Variants in SUFU observed in about 807,000 individuals in gnomAD.
SUFU encodes suppressor of fused homolog.
A neutral mutation model predicts 58.9 loss-of-function variants in SUFU; 7 were observed. The ratio of observed to expected loss-of-function variants is 0.12; its 90% CI spans 0.07 to 0.22. The LOEUF (loss-of-function observed/expected upper bound fraction) is 0.22. Ranked by LOEUF, SUFU falls within the 10% of genes least tolerant of loss-of-function variation. SUFU has a pLI of 1.00. For missense variants in SUFU, 451 were observed against 641.3 expected (o/e 0.70, Z 3.20); for synonymous variants, 232 against 254.8 (o/e 0.91, Z 0.85).
intron 2 of SUFU, among the ~76,000 whole-genome samples, chr10:102,543,951 A>C (rs1490231333): frequency 6.6e-6 from 1 of 152,192 alleles, no homozygotes; most frequent in East Asian, 1.9e-4. Flanking sequence ...AATTAGGCAA[A>C]AATAGATTAA....
At position 102,629,995 on chromosome 10, in the gene SUFU, A is replaced by AATCTCTGG; in HGVS notation, c.1366-69_1366-62dup. The AATCTCTGG allele has an allele frequency of 7.1e-7, 1 of 1,413,756 alleles. No homozygotes were observed. The highest frequency in any genetic ancestry group is 1.4e-5 in the African/African-American group (1 of 70,998). The allele number at this position is 1,413,756 out of a possible 1,614,324, so 87.6% of individuals were successfully genotyped here. ...TAGCTCCCCGGGGACAGGCCTGGGCAATCTCTGGAAAGACCACGGTGTATT... is the reference window on the plus strand; with the variant it reads ...TAGCTCCCCGGGGACAGGCCTGGGCAATCTCTGGATCTCTGGAAAGACCACGGTGTATT... On this transcript the variant is annotated intron_variant, in intron 11 of 11. Transcript: ENST00000369902. The surrounding 1 kb of genome is among the most constrained non-coding windows in gnomAD (Gnocchi z 4.7).
chr10:102,554,536 C>G (rs1012026527), intron 3 of SUFU, among the ~76,000 whole-genome samples: 11 of 152,238 alleles, frequency 7.2e-5, no homozygotes, highest in African/African-American at 2.4e-4. Context: ...CTTACGTCTC[C>G]TTTTAGTCAA....
chr10:102,578,150 AC>A (rs1248251040), intron 3 of SUFU, among the ~76,000 whole-genome samples: 3 of 149,826 alleles, frequency 2.0e-5, no homozygotes, highest in Admixed American at 1.3e-4. Context: ...TACTAAAAAT[AC>A]AAAAAAATTA....
intron 3 of SUFU, among the ~76,000 whole-genome samples, chr10:102,575,834 A>G (rs2063206960): frequency 6.6e-6 from 1 of 152,134 alleles, no homozygotes; most frequent in African/African-American, 2.4e-5. Context: ...TAGATAATAC[A>G]TAAATAAATT....
intron 3 of SUFU, among the ~76,000 whole-genome samples, chr10:102,585,018 C>A (rs952225738): frequency 3.3e-5 from 5 of 152,230 alleles, no homozygotes; most frequent in African/African-American, 1.2e-4. Context: ...AGGTTTCTCC[C>A]AGGCCAGGCT....
intron 2 of SUFU, among the ~76,000 whole-genome samples, chr10:102,533,916 G>A (rs1490014327): frequency 1.3e-5 from 2 of 150,910 alleles, no homozygotes; most frequent in Admixed American, 6.6e-5. Flanking sequence ...GGCTACCACA[G>A]TGGTGCTCTT....
Position 102,594,077 on chromosome 10 carries a change from G to T in SUFU, c.756+12G>T, listed in dbSNP as rs2063435718. The T allele has an allele frequency of 6.2e-7, 1 of 1,613,818 alleles. No individual in the cohort carries two copies. Among genetic ancestry groups the T allele is most frequent in the Admixed American group, 1.7e-5 (1 of 60,000 alleles). On this transcript the variant is annotated intron_variant, in intron 6 of 11. Transcript: ENST00000369902. ...ATCCACACCTGCAAGTATGTCTTGA[G>T]TGAGGAAAACCTTTCTAGCACCCTG...
intron 8 of SUFU, among the ~76,000 whole-genome samples, chr10:102,606,792 A>G (rs2063566119): frequency 1.3e-5 from 2 of 152,168 alleles, no homozygotes; most frequent in South Asian, 4.1e-4. Flanking sequence ...GAAATCAGCT[A>G]GAGGATACAC....
At chr10:102,514,046 G>A (rs548613980) in intron 2 of SUFU, among the ~76,000 whole-genome samples, 30 of 151,804 alleles carry the variant, frequency 2.0e-4, no homozygotes, top group Non-Finnish European at 2.9e-4. Flanking sequence ...CACCACACCC[G>A]GCAAATTTTT....
intron 2 of SUFU, among the ~76,000 whole-genome samples, chr10:102,526,306 A>G (rs1054886368): frequency 3.9e-5 from 6 of 151,904 alleles, no homozygotes; most frequent in African/African-American, 1.5e-4. Context: ...TAATCCCAGC[A>G]CTTTGGGAGG....
intron 2 of SUFU, among the ~76,000 whole-genome samples, chr10:102,523,730 T>C (rs1266272840): frequency 1.3e-5 from 2 of 152,226 alleles, no homozygotes; most frequent in African/African-American, 4.8e-5. Context: ...AGAAGGAAGA[T>C]GGTCGCTGAG....
intron 2 of SUFU, among the ~76,000 whole-genome samples, chr10:102,548,088 A>T (rs1440381395): frequency 6.6e-6 from 1 of 152,178 alleles, no homozygotes; most frequent in Non-Finnish European, 1.5e-5. Context: ...AGGAGTTCAC[A>T]CATGCAGTGA....
intron 2 of SUFU, among the ~76,000 whole-genome samples, chr10:102,534,783 G>A (rs2062716172): frequency 6.6e-6 from 1 of 152,200 alleles, no homozygotes; most frequent in South Asian, 2.1e-4. Context: ...CAGAGAGATT[G>A]TAGAGAAGCT....
chr10:102,594,637 G>A (rs1475912136), intron 6 of SUFU, among the ~76,000 whole-genome samples: 1 of 152,190 alleles, frequency 6.6e-6, no homozygotes. Flanking sequence ...GGCCCACCTG[G>A]ACATTGTTTC....
intron 3 of SUFU, among the ~76,000 whole-genome samples, chr10:102,558,480 G>A (rs1018784087): frequency 4.6e-5 from 7 of 152,168 alleles, no homozygotes; most frequent in African/African-American, 1.4e-4. Context: ...CAAAGTGCTA[G>A]GACTACACAT....
intron 3 of SUFU, among the ~76,000 whole-genome samples, chr10:102,552,326 G>A (rs1173316935): frequency 1.4e-4 from 21 of 150,762 alleles, no homozygotes. Context: ...CCAGCTACTT[G>A]GGAGGCTGAG....
At chr10:102,506,821 G>T (rs908485375) in intron 1 of SUFU, among the ~76,000 whole-genome samples, 2 of 152,228 alleles carry the variant, frequency 1.3e-5, no homozygotes, top group Admixed American at 1.3e-4. Context: ...CTGTGGCCCA[G>T]GGTAGCTTGG....
At chr10:102,555,250 A>T (rs572230210) in intron 3 of SUFU, among the ~76,000 whole-genome samples, 79 of 127,890 alleles carry the variant, frequency 6.2e-4, no homozygotes, top group African/African-American at 2.3e-3. Context: ...CCTGGGCGTC[A>T]GAGTGAGACT....
At chr10:102,589,191 G>T (rs1849184380) in intron 3 of SUFU, among the ~76,000 whole-genome samples, 1 of 152,108 alleles carries the variant, frequency 6.6e-6, no homozygotes, top group African/African-American at 2.4e-5. Flanking sequence ...GCCTCTGAAA[G>T]TGCTGGGATT....
Sources: allele counts gnomAD v4.1 joint callset (sites outside exome capture counted in the v4.1 genomes callset), GRCh38; gene constraint gnomAD v4.1.1; non-coding constraint Gnocchi (gnomAD v3.1); transcripts MANE v1.5; gene names NCBI Gene and HGNC (gene_info 2026-07-23, HGNC 2026-07-21).